Variants in NCKAP5 observed in about 807,000 individuals in gnomAD.
NCKAP5 encodes nck-associated protein 5.
NCKAP5 carries 92 observed loss-of-function variants against 167.0 expected under a neutral mutation model. That is an observed-to-expected ratio of 0.55 (90% CI 0.47 to 0.66). The LOEUF (loss-of-function observed/expected upper bound fraction) is 0.66. NCKAP5 is among the 30% of genes least tolerant of loss of function. NCKAP5 has a pLI of 0.00. For synonymous variants in NCKAP5, 891 were observed against 877.4 expected, an observed-to-expected ratio of 1.02 and a Z score of -0.27; for missense variants, 2,378 against 2,315.0, an observed-to-expected ratio of 1.03 and a Z score of -0.56.
intron 6 of NCKAP5, among the ~76,000 whole-genome samples, chr2:133,007,335 T>C (rs2078003243): frequency 6.6e-6 from 1 of 152,200 alleles, no homozygotes; most frequent in Admixed American, 6.5e-5. Flanking sequence ...TGTAAACCTT[T>C]TGGTGCTGAT....
intron 11 of NCKAP5, among the ~76,000 whole-genome samples, chr2:132,819,259 C>T: frequency 6.6e-6 from 1 of 152,124 alleles, no homozygotes; most frequent in East Asian, 1.9e-4. Context: ...TGCCATTTAC[C>T]TCTAGAACCT....
At chr2:132,834,390 G>T (rs1687733856) in intron 11 of NCKAP5, among the ~76,000 whole-genome samples, 1 of 152,084 alleles carries the variant, frequency 6.6e-6, no homozygotes, top group Non-Finnish European at 1.5e-5. Flanking sequence ...TGTCGCCCAG[G>T]CTGGAGAGCA....
intron 3 of NCKAP5, among the ~76,000 whole-genome samples, chr2:133,442,258 G>T (rs906061897): frequency 6.6e-6 from 1 of 152,130 alleles, no homozygotes; most frequent in Non-Finnish European, 1.5e-5. Flanking sequence ...TAGTAATTGG[G>T]CTGAATTAAT....
rs181850156 is a variant in NCKAP5 at position 133,149,685 on chromosome 2, C to T, written c.208-19574G>A. Among the ~76,000 whole-genome samples the T allele has an allele frequency of 2.0e-5, 3 of 152,208 alleles. No homozygotes were observed. The East Asian group carries it at 5.8e-4, about 29-fold the overall frequency. On this transcript the variant is annotated intron_variant, in intron 5 of 19. Coordinates refer to ENST00000409261, the MANE Select transcript of NCKAP5 (RefSeq NM_207363.3). ...CATCACACTGCTCTCACTAATTATT[C>T]ATTCATTAACTATTTAGTAATTACT...
intron 6 of NCKAP5, among the ~76,000 whole-genome samples, chr2:133,050,111 C>T (rs12990056): frequency 6.6e-6 from 1 of 152,196 alleles, no homozygotes; most frequent in South Asian, 2.1e-4. Flanking sequence ...TTAGCACCTG[C>T]TGGGTTTCTT....
Position 132,933,010 on chromosome 2 carries a change from C to T in NCKAP5, c.579+30710G>A, listed in dbSNP as rs576272446. Among the ~76,000 whole-genome samples the T allele has an allele frequency of 1.8e-4, 27 of 150,614 alleles. No individual in the cohort carries two copies. The East Asian group carries it at 4.1e-3, about 23-fold the overall frequency. On this transcript the variant is annotated intron_variant, in intron 8 of 19. Transcript: ENST00000409261. ...AACGATCTCGGCTCACTGCAAGCTCCGCCTCCCGGGTTCACGCCATTCTCC... is the reference window on the plus strand; with the variant it reads ...AACGATCTCGGCTCACTGCAAGCTCTGCCTCCCGGGTTCACGCCATTCTCC...
At chr2:133,451,641 C>T (rs1413352109) in intron 3 of NCKAP5, among the ~76,000 whole-genome samples, 2 of 152,170 alleles carry the variant, frequency 1.3e-5, no homozygotes, top group African/African-American at 2.4e-5. Flanking sequence ...CTAAACCTCC[C>T]CTTCCCATTG....
At chr2:132,886,676 C>T (rs1327498003) in intron 8 of NCKAP5, among the ~76,000 whole-genome samples, 1 of 152,148 alleles carries the variant, frequency 6.6e-6, no homozygotes, top group Non-Finnish European at 1.5e-5. Flanking sequence ...TTGAATTCGC[C>T]TGATGTTTCT....
At chr2:133,387,891 C>T (rs570937593) in intron 3 of NCKAP5, among the ~76,000 whole-genome samples, 1 of 152,342 alleles carries the variant, frequency 6.6e-6, no homozygotes, top group African/African-American at 2.4e-5. Flanking sequence ...TTTTCAGCTC[C>T]ATCAGCTCCT....
At chr2:133,124,703 G>T (rs1210762171) in intron 6 of NCKAP5, among the ~76,000 whole-genome samples, 1 of 152,148 alleles carries the variant, frequency 6.6e-6, no homozygotes, top group East Asian at 1.9e-4. Flanking sequence ...GGCATAAACG[G>T]TGTTACTAGG....
chr2:133,483,633 G>T (rs1452560382), intron 3 of NCKAP5, among the ~76,000 whole-genome samples: 1 of 150,934 alleles, frequency 6.6e-6, no homozygotes, highest in South Asian at 2.1e-4. Flanking sequence ...AAAAAGGGGG[G>T]GGGGCTTTTT....
intron 8 of NCKAP5, among the ~76,000 whole-genome samples, chr2:132,880,154 G>C: frequency 6.6e-6 from 1 of 152,166 alleles, no homozygotes; most frequent in South Asian, 2.1e-4. Flanking sequence ...ATTTGGGGTA[G>C]GTGCGAGAGG....
At chr2:132,739,702 C>T (rs1360158804) in intron 16 of NCKAP5, among the ~76,000 whole-genome samples, 1 of 152,174 alleles carries the variant, frequency 6.6e-6, no homozygotes, top group African/African-American at 2.4e-5. Flanking sequence ...TACTCAACAA[C>T]TACCCTGCTT....
Position 132,691,046 on chromosome 2 carries a change from G to A in NCKAP5, c.5714-17741C>T, listed in dbSNP as rs540844182. 5.9e-5 allele frequency among the ~76,000 whole-genome samples: 9 copies of A among 152,252 alleles called. No individual in the cohort carries two copies. In the East Asian group the frequency reaches 1.5e-3, roughly 26 times the overall value. Reference sequence around the variant, plus strand: ...AGCTATTCCATTATTTGGATAAGCCGTTTACTGTATTGAATTCCCTCTACT... The same window carrying A: ...AGCTATTCCATTATTTGGATAAGCCATTTACTGTATTGAATTCCCTCTACT... On this transcript the variant is annotated intron_variant, in intron 19 of 19. Transcript: ENST00000409261.
At chr2:133,339,585 C>A (rs1397479316) in intron 3 of NCKAP5, among the ~76,000 whole-genome samples, 1 of 152,138 alleles carries the variant, frequency 6.6e-6, no homozygotes, top group Non-Finnish European at 1.5e-5. Flanking sequence ...TGGTCAATGG[C>A]AGCCATTAAT....
At chr2:133,427,415 A>T (rs1029838243) in intron 3 of NCKAP5, among the ~76,000 whole-genome samples, 7 of 152,208 alleles carry the variant, frequency 4.6e-5, no homozygotes, top group South Asian at 2.1e-4. Flanking sequence ...TAGTTTTAAA[A>T]TAGGCAAATA....
At chr2:133,265,648 A>G (rs1574541371) in intron 4 of NCKAP5, among the ~76,000 whole-genome samples, 1 of 151,678 alleles carries the variant, frequency 6.6e-6, no homozygotes. Flanking sequence ...CGCCTGGGCA[A>G]GTGGCCTGCA....
chr2:133,433,263 A>C (rs1046533032), intron 3 of NCKAP5, among the ~76,000 whole-genome samples: 1 of 152,224 alleles, frequency 6.6e-6, no homozygotes, highest in African/African-American at 2.4e-5. Context: ...CAACCAAGGA[A>C]TGATTTGATG....
At chr2:133,384,844 G>C (rs1169425710) in intron 3 of NCKAP5, among the ~76,000 whole-genome samples, 2 of 152,030 alleles carry the variant, frequency 1.3e-5, no homozygotes, top group Non-Finnish European at 1.5e-5. Context: ...TGATTTGGCT[G>C]TTTGTCTGTT....
Sources: allele counts gnomAD v4.1 joint callset (sites outside exome capture counted in the v4.1 genomes callset), GRCh38; gene constraint gnomAD v4.1.1; transcripts MANE v1.5; gene names NCBI Gene and HGNC (gene_info 2026-07-23, HGNC 2026-07-21).